The following PIP4K2A variants were observed in gnomAD, a reference collection of about 807,000 sequenced individuals.
PIP4K2A encodes phosphatidylinositol 5-phosphate 4-kinase type-2 alpha.
PIP4K2A carries 14 observed loss-of-function variants against 42.9 expected under a neutral mutation model. That is an observed-to-expected ratio of 0.33 (90% CI 0.22 to 0.51). The LOEUF is 0.51. Ranked by LOEUF, PIP4K2A falls within the 20% of genes least tolerant of loss-of-function variation. The probability of loss-of-function intolerance (pLI) is 0.97; values close to 1 mark genes in which losing one functional copy is unlikely to be tolerated. For synonymous variants in PIP4K2A, 192 were observed against 192.2 expected, an observed-to-expected ratio of 1.00 and a Z score of 0.01; for missense variants, 434 against 519.8, an observed-to-expected ratio of 0.83 and a Z score of 1.61.
intron 7 of PIP4K2A, among the ~76,000 whole-genome samples, chr10:22,549,870 A>G (rs1836358207): frequency 1.7e-5 from 2 of 120,974 alleles, no homozygotes; most frequent in Non-Finnish European, 3.5e-5. Context: ...AAAAAAAAAA[A>G]AAAAGAAAGG....
At chr10:22,645,679 G>C (rs1838865165) in intron 1 of PIP4K2A, among the ~76,000 whole-genome samples, 1 of 151,164 alleles carries the variant, frequency 6.6e-6, no homozygotes. Context: ...CATGAAGATA[G>C]TACTTAATTT....
At chr10:22,709,883 T>G (rs1374058559) in intron 1 of PIP4K2A, among the ~76,000 whole-genome samples, 4 of 152,118 alleles carry the variant, frequency 2.6e-5, no homozygotes, top group Non-Finnish European at 5.9e-5. Flanking sequence ...TTGAGGAGAC[T>G]AGTTCTTGAA....
At chr10:22,675,884 C>T (rs1390984654) in intron 1 of PIP4K2A, among the ~76,000 whole-genome samples, 1 of 152,162 alleles carries the variant, frequency 6.6e-6, no homozygotes, top group African/African-American at 2.4e-5. Context: ...AAGAAGGAAA[C>T]TGATCCACAA....
At chr10:22,666,500 A>T (rs1839355595) in intron 1 of PIP4K2A, among the ~76,000 whole-genome samples, 1 of 152,220 alleles carries the variant, frequency 6.6e-6, no homozygotes, top group Admixed American at 6.5e-5. Context: ...TATCGATCCC[A>T]AAAGATATTA....
chr10:22,574,961 G>A (rs927084308), intron 4 of PIP4K2A, among the ~76,000 whole-genome samples: 2 of 152,118 alleles, frequency 1.3e-5, no homozygotes, highest in East Asian at 1.9e-4. Flanking sequence ...TAGTCTCCAC[G>A]TGCAGTAGAG....
intron 6 of PIP4K2A, among the ~76,000 whole-genome samples, chr10:22,567,065 T>C (rs538998678): frequency 5.3e-5 from 8 of 152,198 alleles, no homozygotes; most frequent in Non-Finnish European, 1.2e-4. Context: ...AACAACAATT[T>C]TGAGCTCTGT....
chr10:22,551,385 GTCTTC>G (rs1194796017), intron 6 of PIP4K2A, among the ~76,000 whole-genome samples: 1 of 152,116 alleles, frequency 6.6e-6, no homozygotes, highest in African/African-American at 2.4e-5. Flanking sequence ...AAGAAAAAGG[GTCTTC>G]TCTTAACATA....
intron 1 of PIP4K2A, among the ~76,000 whole-genome samples, chr10:22,696,003 C>T (rs1045239747): frequency 4.6e-5 from 7 of 151,990 alleles, no homozygotes; most frequent in African/African-American, 1.2e-4. Flanking sequence ...AGACTGCATG[C>T]GCAATATTTT....
At chr10:22,632,950 T>G (rs1838579507) in intron 1 of PIP4K2A, among the ~76,000 whole-genome samples, 1 of 152,190 alleles carries the variant, frequency 6.6e-6, no homozygotes, top group South Asian at 2.1e-4. Flanking sequence ...CATTCATCAT[T>G]TCAAAAAATG....
intron 4 of PIP4K2A, among the ~76,000 whole-genome samples, chr10:22,583,432 C>T (rs1045426929): frequency 3.3e-5 from 5 of 152,094 alleles, no homozygotes; most frequent in Non-Finnish European, 7.4e-5. Context: ...GGCAGGTGCA[C>T]CGGAGAGCAG....
At chr10:22,613,679 G>A (rs1003555296) in intron 1 of PIP4K2A, among the ~76,000 whole-genome samples, 4 of 152,180 alleles carry the variant, frequency 2.6e-5, no homozygotes, top group African/African-American at 9.6e-5. Context: ...ACAGGAGGCT[G>A]GGCTTCCGGG....
chr10:22,562,748 A>C (rs141690260), intron 6 of PIP4K2A, among the ~76,000 whole-genome samples: 1 of 151,968 alleles, frequency 6.6e-6, no homozygotes, highest in Non-Finnish European at 1.5e-5. Flanking sequence ...CTCCTGGGTG[A>C]CCTCACCCAC....
rs560197335 is a variant in PIP4K2A, at chr10:22,543,652, C to G, written c.793-1605G>C. ...TTTCCAGCAGTCAGAGACTGCGCAT[C>G]CTCCCCTAGAATCTCGGCAGCTGCC... On this transcript the variant is annotated intron_variant, in intron 7 of 9. Transcript: ENST00000376573. Among the ~76,000 whole-genome samples, 6 of 152,334 alleles carry G rather than the reference C, an allele frequency of 3.9e-5. 1 individual carries two copies. In the South Asian group the frequency reaches 1.2e-3, roughly 32 times the overall value.
At chr10:22,702,579 A>C (rs901893472) in intron 1 of PIP4K2A, among the ~76,000 whole-genome samples, 1 of 152,194 alleles carries the variant, frequency 6.6e-6, no homozygotes, top group African/African-American at 2.4e-5. Flanking sequence ...CTGTAAACAT[A>C]ACCTCTTTCT....
At chr10:22,692,274 T>C (rs1447393549) in intron 1 of PIP4K2A, among the ~76,000 whole-genome samples, 1 of 152,076 alleles carries the variant, frequency 6.6e-6, no homozygotes, top group Non-Finnish European at 1.5e-5. Context: ...GAGAATCTAA[T>C]GCTGCTGCTG....
chr10:22,695,083 T>A (rs531978537), intron 1 of PIP4K2A, among the ~76,000 whole-genome samples: 1 of 152,324 alleles, frequency 6.6e-6, no homozygotes, highest in East Asian at 1.9e-4. Flanking sequence ...TTCAAATTGC[T>A]TTATCATAAA....
intron 1 of PIP4K2A, among the ~76,000 whole-genome samples, chr10:22,650,833 TGG>T (rs5783805): frequency 5.0e-5 from 7 of 140,288 alleles, no homozygotes; most frequent in Non-Finnish European, 1.1e-4. Flanking sequence ...GGAAATCTAC[TGG>T]GTTTTTTTTT....
Position 22,616,340 on chromosome 10 carries a change from G to A in PIP4K2A, c.145-6623C>T, listed in dbSNP as rs543241037. ...TAGGTGCACATGTGCCAAGACCCACGTGAGGCACTCCACACACAGTATCTT... is the reference window on the plus strand; with the variant it reads ...TAGGTGCACATGTGCCAAGACCCACATGAGGCACTCCACACACAGTATCTT... On this transcript the variant is annotated intron_variant, in intron 1 of 9. Coordinates refer to ENST00000376573, the MANE Select transcript of PIP4K2A (RefSeq NM_005028.5). 9.9e-4 allele frequency among the ~76,000 whole-genome samples: 151 copies of A among 152,260 alleles called. No individual in the cohort carries two copies. The Middle Eastern group carries it at 0.01, about 10-fold the overall frequency.
rs1206525112 is a variant in PIP4K2A at position 22,714,339 on chromosome 10, T to G, written c.-13A>C. ...CGGGGGTCGCCATGGCCGCCTCCTA[T>G]GTCCCCTCCACCGCCGTGCTCCCGA... On this transcript the variant is annotated 5_prime_UTR_variant, in exon 1 of 10. Transcript: ENST00000376573. 1.9e-6 allele frequency: 3 copies of G among 1,584,056 alleles called. No individual in the cohort carries two copies. The highest frequency in any genetic ancestry group is 1.4e-5 in the African/African-American group (1 of 73,204).
Sources: gnomAD v4.1 joint callset for allele counts (sites outside exome capture counted in the v4.1 genomes callset) on GRCh38, gnomAD v4.1.1 for gene constraint, MANE v1.5 for transcripts, NCBI Gene and HGNC (gene_info 2026-07-23, HGNC 2026-07-21) for gene names.